The following SCGB2A1 variants were observed in gnomAD, a reference collection of about 807,000 sequenced individuals.
The protein encoded by SCGB2A1 is secretoglobin family 2A member 1, also known as mammaglobin-B.
A neutral mutation model predicts 9.2 loss-of-function variants in SCGB2A1; 6 were observed. The ratio of observed to expected loss-of-function variants is 0.66; its 90% CI spans 0.36 to 1.29. SCGB2A1 has a LOEUF of 1.29. SCGB2A1 is among the 50% of genes most tolerant of loss of function. The pLI is 0.03. For missense variants in SCGB2A1, 138 were observed against 116.9 expected (o/e 1.18, Z -0.83); for synonymous variants, 37 against 41.0 (o/e 0.90, Z 0.37).
intron 1 of SCGB2A1, 130 bp from the exon 2 acceptor site, chr11:62,210,283 T>C: frequency 2.6e-6 from 3 of 1,162,006 alleles, no homozygotes; most frequent in Non-Finnish European, 3.5e-6. Context: ...TGCACCAAAA[T>C]CTTTCTGAAC....
At chr11:62,209,635 A>ATGTG (rs60357410) in intron 1 of SCGB2A1, among the ~76,000 whole-genome samples, 6,805 of 142,052 alleles carry the variant, frequency 0.048, 313 homozygotes, top group Admixed American at 0.13. Flanking sequence ...TTTCACATTC[A>ATGTG]TGTGTGTGTG....
At chr11:62,212,894 C>G (rs1287069974) in intron 2 of SCGB2A1, among the ~76,000 whole-genome samples, 1 of 145,874 alleles carries the variant, frequency 6.9e-6, no homozygotes, top group East Asian at 1.9e-4. Context: ...CACTAACACA[C>G]CTGGCATATA....
intron 2 of SCGB2A1, among the ~76,000 whole-genome samples, chr11:62,210,919 C>T (rs570906045): frequency 9.5e-5 from 12 of 126,578 alleles, no homozygotes; most frequent in African/African-American, 1.7e-4. Context: ...GGACAGGCAT[C>T]GGCATTTTTT....
intron 2 of SCGB2A1, among the ~76,000 whole-genome samples, chr11:62,211,735 C>A (rs1206195746): frequency 6.6e-6 from 1 of 152,010 alleles, no homozygotes; most frequent in Non-Finnish European, 1.5e-5. Flanking sequence ...TCCAAGCAAC[C>A]AAGATTTGTT....
intron 1 of SCGB2A1, 91 bp downstream of exon 1, chr11:62,208,877 G>C (rs1944805622): frequency 7.5e-7 from 1 of 1,337,466 alleles, no homozygotes; most frequent in East Asian, 2.3e-5. Flanking sequence ...CCCCAGCACA[G>C]ACGAGCCCCA....
At chr11:62,212,995 T>TATGTGCACAC (rs1565121365) in intron 2 of SCGB2A1, among the ~76,000 whole-genome samples, 7 of 118,972 alleles carry the variant, frequency 5.9e-5, no homozygotes, top group African/African-American at 2.1e-4. Context: ...TATACATGCA[T>TATGTGCACAC]ATATGTACAC....
In SCGB2A1 at chr11:62,213,733, T is replaced by G. The variant is rs1249755230; in HGVS notation, c.251T>G (p.Val84Gly). ...CCTGCTTTTGTTTTCCAGCATACAG[T>G]GTACGACAGCATTTGGTGTAATATG... is the stretch of plus-strand genomic sequence containing the variant. ...LKNFGLMMHT[V>G]YDSIWCNMKS... The change falls in exon 3 of 3, where the codon GTG (valine) becomes GGG (glycine). Residue 84 changes from valine to glycine, a missense_variant. Coordinates refer to ENST00000244930, the MANE Select transcript of SCGB2A1 (RefSeq NM_002407.3). 6.2e-7 allele frequency: 1 copy of G among 1,613,732 alleles called. No homozygotes were observed. The highest frequency in any genetic ancestry group is 2.2e-5 in the East Asian group (1 of 44,870).
At chr11:62,211,017 G>A (rs1000488429) in intron 2 of SCGB2A1, among the ~76,000 whole-genome samples, 10 of 150,914 alleles carry the variant, frequency 6.6e-5, no homozygotes, top group East Asian at 1.9e-4. Context: ...TCCACCTCCC[G>A]GGTTCAAGAG....
At position 62,208,805 on chromosome 11, in the gene SCGB2A1, G is replaced by T. The variant is rs771623901; in HGVS notation, c.55+19G>T. 3.1e-6 allele frequency: 5 copies of T among 1,611,046 alleles called. No individual in the cohort carries two copies. Among genetic ancestry groups the T allele is most frequent in the Admixed American group, 3.3e-5 (2 of 59,970 alleles). ...TATGCAGGTGAGTTCTGGGCAGAGA[G>T]GGCTGCTTCTGGGCTAGGAATTGTC... On this transcript the variant is annotated intron_variant, in intron 1 of 2. Transcript: ENST00000244930.
At chr11:62,212,974 A>G (rs935383898) in intron 2 of SCGB2A1, among the ~76,000 whole-genome samples, 21 of 150,728 alleles carry the variant, frequency 1.4e-4, no homozygotes, top group Non-Finnish European at 2.1e-4. Flanking sequence ...ATGTACACAT[A>G]TATGTGCACA....
In SCGB2A1 at chr11:62,213,024, A is replaced by ACATATATACG. The variant is rs1565121442; in HGVS notation, c.244-702_244-701insCATATATACG. 8.6e-5 allele frequency among the ~76,000 whole-genome samples: 5 copies of ACATATATACG among 58,272 alleles called. No individual in the cohort carries two copies. The South Asian group carries it at 4.2e-3, about 48-fold the overall frequency. The allele number at this position is 58,272 out of a possible 152,430, so 38.2% of individuals were successfully genotyped here. ...TGTACACATATATGCACATATATAC[A>ACATATATACG]TATATACACACATATATACATATAT... On this transcript the variant is annotated intron_variant, in intron 2 of 2. Transcript: ENST00000244930.
chr11:62,209,635 A>ATGTGTGTGTG (rs60357410), intron 1 of SCGB2A1, among the ~76,000 whole-genome samples: 10,550 of 141,904 alleles, frequency 0.074, 403 homozygotes, highest in South Asian at 0.13. Flanking sequence ...TTTCACATTC[A>ATGTGTGTGTG]TGTGTGTGTG....
At chr11:62,208,923 C>CT in intron 1 of SCGB2A1, 137 bp downstream of exon 1, 1 of 730,924 alleles carries the variant, frequency 1.4e-6, no homozygotes, top group Non-Finnish European at 2.3e-6. Flanking sequence ...CCTTAGGATC[C>CT]CCATGAGTTC....
intron 2 of SCGB2A1, among the ~76,000 whole-genome samples, chr11:62,211,710 A>C (rs145453589): frequency 2.0e-5 from 3 of 151,992 alleles, no homozygotes; most frequent in East Asian, 3.9e-4. Flanking sequence ...TAAAATAAAG[A>C]ATTTAAAATG....
In SCGB2A1 at chr11:62,210,442, G is replaced by A. The variant is rs1456037607; in HGVS notation, c.85G>A (p.Val29Ile). 5 of 1,552,958 alleles carry A rather than the reference G, an allele frequency of 3.2e-6. No homozygotes were observed. Among genetic ancestry groups the A allele is most frequent in the Non-Finnish European group, 3.5e-6 (4 of 1,154,266 alleles). ...DSGCKLLEDMVEKTINSDISI... is the reference protein window; with the variant it reads ...DSGCKLLEDMIEKTINSDISI... ...TGGCTGCAAACTCCTGGAGGACATG[G>A]TTGAAAAGACCATCAATTCCGACAT... The change falls in exon 2 of 3, where the codon GTT (valine) becomes ATT (isoleucine). Residue 29 changes from valine (V) to isoleucine (I), a missense_variant. Physicochemically the swap from Val to Ile is conservative, Grantham distance 29. Coordinates refer to ENST00000244930, the MANE Select transcript of SCGB2A1 (RefSeq NM_002407.3).
rs1565121331 is a variant in SCGB2A1, at chr11:62,212,980, G to GCA, written c.244-743_244-742dup. ...TGTACACATATGTACACATATATGT[G>GCA]CACATATACATGCATATATGTACAC... On this transcript the variant is annotated intron_variant, in intron 2 of 2. Coordinates refer to ENST00000244930, the MANE Select transcript of SCGB2A1 (RefSeq NM_002407.3). Among the ~76,000 whole-genome samples the GCA allele has an allele frequency of 3.2e-4, 44 of 137,736 alleles. 1 individual carries two copies. Among genetic ancestry groups the GCA allele is most frequent in the African/African-American group, 1.3e-3 (44 of 34,492 alleles). 90.4% of individuals were successfully genotyped at this position (137,736 alleles called of 152,430 possible). A position where few individuals can be genotyped will look rare whatever the true frequency, so the allele number is the denominator to read the frequency against.
At chr11:62,212,565 G>T (rs2094710757) in intron 2 of SCGB2A1, among the ~76,000 whole-genome samples, 1 of 151,924 alleles carries the variant, frequency 6.6e-6, no homozygotes, top group Admixed American at 6.6e-5. Context: ...AAGCCAGGAG[G>T]CAGAGATTGC....
intron 2 of SCGB2A1, among the ~76,000 whole-genome samples, chr11:62,212,987 T>TGTGC (rs1565121343): frequency 1.4e-5 from 2 of 143,130 alleles, no homozygotes; most frequent in Admixed American, 7.0e-5. Context: ...TGTGCACATA[T>TGTGC]ACATGCATAT....
Position 62,208,688 on chromosome 11 carries a change from A to G in SCGB2A1, c.-44A>G. ...ACTCACCTCCACAGCAACTTCCTTG[A>G]TCCCTGCCACGCACGACTGAACACA... On this transcript the variant is annotated 5_prime_UTR_variant, in exon 1 of 3. Transcript: ENST00000244930. 6.2e-7 allele frequency: 1 copy of G among 1,608,038 alleles called. No homozygotes were observed. Among genetic ancestry groups the G allele is most frequent in the South Asian group, 1.1e-5 (1 of 90,868 alleles).
Sources: allele counts gnomAD v4.1 joint callset (sites outside exome capture counted in the v4.1 genomes callset), GRCh38; gene constraint gnomAD v4.1.1; transcripts MANE v1.5; gene names NCBI Gene and HGNC (gene_info 2026-07-23, HGNC 2026-07-21).